Variants in EP300 observed in about 807,000 individuals in gnomAD.
EP300 encodes histone acetyltransferase p300.
EP300 carries 31 observed loss-of-function variants against 264.0 expected under a neutral mutation model. The ratio of observed to expected loss-of-function variants is 0.12; its 90% CI spans 0.09 to 0.16. The LOEUF is 0.16. EP300 is among the 10% of genes least tolerant of loss of function. The pLI is 1.00. For missense variants in EP300, 2,766 were observed against 3,052.9 expected (o/e 0.91, Z 2.21); for synonymous variants, 1,340 against 1,045.4 (o/e 1.28, Z -5.44).
In EP300 at chr22:41,092,612, C is replaced by A; in HGVS notation, c.-393C>A. On this transcript the variant is annotated 5_prime_UTR_variant, in exon 1 of 31. Transcript: ENST00000263253. The stretch of plus-strand genomic sequence containing the variant: ...GCGATGAGAAGGAGGAGGACAGCGC[C>A]GAGGAGGAAGAGGTTGATGGCGGCG... The A allele has an allele frequency of 1.6e-6, 1 of 625,960 alleles. No homozygotes were observed. Among genetic ancestry groups the A allele is most frequent in the Non-Finnish European group, 2.9e-6 (1 of 345,354 alleles). The allele number at this position is 625,960 out of a possible 1,614,324, so 38.8% of individuals were successfully genotyped here. A position where few individuals can be genotyped will look rare whatever the true frequency, so the allele number is the denominator to read the frequency against.
At chr22:41,149,579 A>G (rs2059031305) in intron 13 of EP300, among the ~76,000 whole-genome samples, 182 bp from the exon 14 acceptor site, 1 of 152,150 alleles carries the variant, frequency 6.6e-6, no homozygotes, top group Non-Finnish European at 1.5e-5. Flanking sequence ...GTTAAGTACT[A>G]TCTTGATGGT....
chr22:41,159,021 C>G (rs1055144521), intron 19 of EP300: 1 of 156,900 alleles, frequency 6.4e-6, no homozygotes, highest in African/African-American at 2.4e-5. Flanking sequence ...TTACTTTTCC[C>G]AACCCAGCCT....
chr22:41,159,365 A>T (rs2059095620), intron 19 of EP300: 1 of 152,236 alleles, frequency 6.6e-6, no homozygotes, highest in Non-Finnish European at 1.5e-5. Flanking sequence ...ATTTACAAAA[A>T]GTTAGGCGTG....
intron 23 of EP300, 69 bp downstream of exon 23, chr22:41,166,735 G>T: frequency 9.5e-7 from 1 of 1,055,496 alleles, no homozygotes; most frequent in Non-Finnish European, 1.4e-6. Context: ...ACCATCCAAA[G>T]TGAATTACTT....
At chr22:41,146,146 A>G (rs2059009491) in intron 10 of EP300, among the ~76,000 whole-genome samples, 1 of 149,882 alleles carries the variant, frequency 6.7e-6, no homozygotes, top group East Asian at 2.0e-4. Flanking sequence ...ATAACATATT[A>G]AATGCTATGA....
chr22:41,148,775 C>T (rs1029044710), intron 12 of EP300: 1 of 522,914 alleles, frequency 1.9e-6, no homozygotes, highest in Non-Finnish European at 3.4e-6. Context: ...TATTTGTGTA[C>T]CAAGAGAATG....
At chr22:41,107,407 T>C (rs1601592138) in intron 1 of EP300, among the ~76,000 whole-genome samples, 1 of 130,086 alleles carries the variant, frequency 7.7e-6, no homozygotes, top group Non-Finnish European at 1.6e-5. Context: ...TCAAATAATA[T>C]GTGAGCCTTT....
At position 41,166,645 on chromosome 22, in the gene EP300, G is replaced by A; in HGVS notation, c.3853G>A (p.Glu1285Lys). The A allele has an allele frequency of 6.2e-7, 1 of 1,611,840 alleles. No individual in the cohort carries two copies. Among genetic ancestry groups the A allele is most frequent in the East Asian group, 2.2e-5 (1 of 44,740 alleles). ...AAAGAAAAGTGCACGAACTAGGAAAGAAAATAAGTTTTCTGCTAAAAGTAA... is the reference window on the plus strand; with the variant it reads ...AAAGAAAAGTGCACGAACTAGGAAAAAAAATAAGTTTTCTGCTAAAAGTAA... ...CLKKSARTRK[E>K]NKFSAKRLPS... Residue 1285 changes from glutamate to lysine, a missense_variant, in exon 23 of 31, where the codon GAA (glutamate) becomes AAA (lysine). By Grantham distance (56) the Glu-to-Lys change is moderately conservative. Coordinates refer to ENST00000263253, the MANE Select transcript of EP300 (RefSeq NM_001429.4).
chr22:41,116,147 C>CT lies in EP300; in HGVS notation c.95-1031dup, dbSNP rs35609068. On this transcript the variant is annotated intron_variant, in intron 1 of 30. Coordinates refer to ENST00000263253, the MANE Select transcript of EP300 (RefSeq NM_001429.4). The stretch of plus-strand genomic sequence containing the variant: ...AACTCATGTAATAATGGGTGTTGCA[C>CT]TTTTTTTTTAACAAAAAATAAAATT... Among the ~76,000 whole-genome samples, 1,437 of 151,260 alleles carry CT rather than the reference C, an allele frequency of 9.5e-3. 11 individuals are homozygous for CT. The highest frequency in any genetic ancestry group is 0.021 in the East Asian group (107 of 5,154).
At chr22:41,169,792 T>C (rs2059159925) in intron 26 of EP300, among the ~76,000 whole-genome samples, 176 bp downstream of exon 26, 1 of 152,144 alleles carries the variant, frequency 6.6e-6, no homozygotes, top group South Asian at 2.1e-4. Flanking sequence ...TAGAGAGAAA[T>C]GGATATGTTG....
intron 21 of EP300, among the ~76,000 whole-genome samples, chr22:41,163,328 G>T (rs1349543912): frequency 6.6e-6 from 1 of 150,538 alleles, no homozygotes; most frequent in Non-Finnish European, 1.5e-5. Flanking sequence ...CCAGCTACTT[G>T]GGAGGCTGAG....
chr22:41,138,828 C>G (rs2058966534), intron 8 of EP300, among the ~76,000 whole-genome samples: 1 of 152,116 alleles, frequency 6.6e-6, no homozygotes, highest in Non-Finnish European at 1.5e-5. Context: ...AACTATTTAT[C>G]ATTTTGTCTT....
At chr22:41,170,880 G>A (rs888220583) in intron 27 of EP300, among the ~76,000 whole-genome samples, 10 of 150,898 alleles carry the variant, frequency 6.6e-5, no homozygotes, top group East Asian at 1.9e-4. Flanking sequence ...AGCCAGGATG[G>A]TCTCGATCTC....
chr22:41,141,439 C>T (rs1455766023), intron 10 of EP300, among the ~76,000 whole-genome samples: 1 of 152,154 alleles, frequency 6.6e-6, no homozygotes, highest in East Asian at 1.9e-4. Flanking sequence ...CCTTGATAAT[C>T]TGGAATTGTT....
intron 22 of EP300, among the ~76,000 whole-genome samples, chr22:41,164,515 C>G (rs1183402099): frequency 6.6e-6 from 1 of 152,096 alleles, no homozygotes; most frequent in East Asian, 1.9e-4. Context: ...GGTTCCAGAC[C>G]AGCCTGACCA....
chr22:41,094,368 G>T (rs2058690666), intron 1 of EP300, among the ~76,000 whole-genome samples: 1 of 152,198 alleles, frequency 6.6e-6, no homozygotes, highest in Non-Finnish European at 1.5e-5. Context: ...CTTCATTTCA[G>T]AGGGTGAAAA....
At chr22:41,130,686 T>C (rs2058913732) in intron 5 of EP300, among the ~76,000 whole-genome samples, 1 of 152,216 alleles carries the variant, frequency 6.6e-6, no homozygotes, top group African/African-American at 2.4e-5. Flanking sequence ...GACCGTTGCT[T>C]TGGCATTGGG....
chr22:41,109,830 C>T (rs114038371), intron 1 of EP300, among the ~76,000 whole-genome samples: 5 of 151,650 alleles, frequency 3.3e-5, no homozygotes, highest in South Asian at 4.2e-4. Context: ...CCACCACCCC[C>T]CAAGATGTAG....
intron 1 of EP300, among the ~76,000 whole-genome samples, chr22:41,115,814 T>C (rs2058817680): frequency 6.6e-6 from 1 of 152,210 alleles, no homozygotes; most frequent in South Asian, 2.1e-4. Context: ...AGCTATTCTG[T>C]AGGCTACAGG....
Sources: gnomAD v4.1 joint callset for allele counts (sites outside exome capture counted in the v4.1 genomes callset) on GRCh38, gnomAD v4.1.1 for gene constraint, MANE v1.5 for transcripts, NCBI Gene and HGNC (gene_info 2026-07-23, HGNC 2026-07-21) for gene names.